The following PIR variants were observed in gnomAD, a reference collection of about 807,000 sequenced individuals.
PIR encodes the protein pirin, also known as pirin (iron-binding nuclear protein).
Under a neutral mutation model 24.2 loss-of-function variants are expected in PIR, and 22 were observed. The observed-to-expected ratio is 0.91, with a 90% CI of 0.65 to 1.30. The LOEUF is 1.30. PIR is among the 50% of genes most tolerant of loss of function. PIR has a pLI of 0.00. For synonymous variants in PIR, 80 were observed against 79.6 expected (o/e 1.00, Z -0.03); for missense variants, 220 against 220.3 (o/e 1.00, Z 0.01).
Position 15,420,534 on chromosome X carries a change from T to C in PIR, c.565+5372A>G, listed in dbSNP as rs1450599879. Among the ~76,000 whole-genome samples, 11 of 111,971 alleles carry C rather than the reference T, an allele frequency of 9.8e-5. No individual in the cohort carries two copies. The Admixed American group carries it at 1.0e-3, about 11-fold the overall frequency. The stretch of plus-strand genomic sequence containing the variant: ...TCCCTGGAAACCTGTCTCATCAAAA[T>C]AAATTTCCACATGGGAAGGCAGATA... On this transcript the variant is annotated intron_variant, in intron 6 of 9. Transcript: ENST00000380420.
chrX:15,455,316 G>A (rs1438112803), intron 5 of PIR, among the ~76,000 whole-genome samples: 4 of 112,771 alleles, frequency 3.5e-5, no homozygotes, highest in Non-Finnish European at 7.5e-5. Flanking sequence ...TAAAGTCCCA[G>A]TTGAAAAGAA....
intron 6 of PIR, among the ~76,000 whole-genome samples, chrX:15,415,944 T>G (rs1924901116): frequency 2.7e-5 from 3 of 110,458 alleles, no homozygotes; most frequent in Non-Finnish European, 5.7e-5. Context: ...AAGGCATTTT[T>G]ACTTATTAAA....
intron 5 of PIR, among the ~76,000 whole-genome samples, chrX:15,445,669 T>C (rs966100568): frequency 1.8e-5 from 2 of 111,172 alleles, no homozygotes; most frequent in Admixed American, 1.9e-4. Flanking sequence ...ATTCCAAACA[T>C]AACAGCCATA....
chrX:15,479,405 C>CA (rs989822347), intron 3 of PIR, among the ~76,000 whole-genome samples: 1 of 107,424 alleles, frequency 9.3e-6, no homozygotes, highest in African/African-American at 3.4e-5. Context: ...AGCGTAGTGA[C>CA]ATGATTAGAA....
chrX:15,433,544 G>GAAGAA (rs780968509), intron 5 of PIR, among the ~76,000 whole-genome samples: 1 of 58,729 alleles, frequency 1.7e-5, no homozygotes, highest in Non-Finnish European at 3.0e-5. Flanking sequence ...AAGAAAGAAA[G>GAAGAA]AGAGAGAAAG....
chrX:15,414,164 GTATTAGAATGCCCTAGAAGCT>G (rs1924837096), intron 6 of PIR, among the ~76,000 whole-genome samples: 2 of 112,052 alleles, frequency 1.8e-5, no homozygotes, highest in East Asian at 2.8e-4. Context: ...TACTACAAAT[GTATTAGAATGCCCTAGAAGCT>G]TATTAGAATG....
At chrX:15,399,070 G>C (rs1289994392) in intron 7 of PIR, among the ~76,000 whole-genome samples, 2 of 111,286 alleles carry the variant, frequency 1.8e-5, no homozygotes, top group Non-Finnish European at 1.9e-5. Context: ...GAGGGGGTGA[G>C]ATTTGGATTA....
chrX:15,427,041 A>G (rs932887492), intron 5 of PIR, among the ~76,000 whole-genome samples: 3 of 112,112 alleles, frequency 2.7e-5, no homozygotes, highest in Admixed American at 9.5e-5. Flanking sequence ...ACCAAGGAGA[A>G]TGAATGAACT....
intron 2 of PIR, among the ~76,000 whole-genome samples, chrX:15,487,547 C>T (rs920621957): frequency 8.9e-6 from 1 of 111,937 alleles, no homozygotes; most frequent in African/African-American, 3.3e-5. Context: ...GATTGAAATT[C>T]TTCATTAACA....
At chrX:15,408,611 G>C (rs753443859) in intron 6 of PIR, among the ~76,000 whole-genome samples, 2 of 111,981 alleles carry the variant, frequency 1.8e-5, no homozygotes, top group Admixed American at 9.5e-5. Context: ...TGGCTCAGAA[G>C]AGATGCTGTG....
intron 5 of PIR, among the ~76,000 whole-genome samples, chrX:15,442,621 A>G (rs780529422): frequency 6.3e-5 from 7 of 111,933 alleles, no homozygotes; most frequent in Non-Finnish European, 1.9e-5. Flanking sequence ...TAAAAGTGCT[A>G]CTCCAGCGAA....
chrX:15,397,851 G>A (rs985887454), intron 7 of PIR, among the ~76,000 whole-genome samples: 9 of 111,928 alleles, frequency 8.0e-5, no homozygotes, highest in African/African-American at 2.6e-4. Context: ...ATTAAAAATA[G>A]TTAGAAAAAT....
At chrX:15,394,986 TA>T (rs1482891624) in intron 8 of PIR, among the ~76,000 whole-genome samples, 1 of 111,829 alleles carries the variant, frequency 8.9e-6, no homozygotes, top group East Asian at 2.8e-4. Flanking sequence ...GGAAGAGTAG[TA>T]AAAGTGCAGG....
At chrX:15,488,344 G>A (rs1922980973) in intron 2 of PIR, among the ~76,000 whole-genome samples, 1 of 106,337 alleles carries the variant, frequency 9.4e-6, no homozygotes, top group Non-Finnish European at 1.9e-5. Flanking sequence ...ATCTCTTGAT[G>A]TTAGACAGAT....
At chrX:15,401,003 C>A (rs1009802739) in intron 7 of PIR, among the ~76,000 whole-genome samples, 2 of 109,888 alleles carry the variant, frequency 1.8e-5, no homozygotes, top group African/African-American at 3.3e-5. Context: ...TCCCAAAGTG[C>A]TGGGATTACA....
chrX:15,485,478 T>C (rs780438789), intron 2 of PIR, among the ~76,000 whole-genome samples: 2 of 111,659 alleles, frequency 1.8e-5, no homozygotes, highest in African/African-American at 6.5e-5. Flanking sequence ...TGATAGGAAT[T>C]AGGAGTAGGG....
intron 6 of PIR, among the ~76,000 whole-genome samples, chrX:15,409,318 C>T (rs1006950200): frequency 1.9e-5 from 2 of 107,584 alleles, no homozygotes; most frequent in African/African-American, 3.5e-5. Flanking sequence ...AGGATGGTCT[C>T]GATCTCCTGA....
rs73449396 is a variant in PIR at position 15,433,136 on chromosome X, T to C, written c.481-7146A>G. Among the ~76,000 whole-genome samples, 823 of 112,289 alleles carry C rather than the reference T, an allele frequency of 7.3e-3. 10 individuals are homozygous for C. Among genetic ancestry groups the C allele is most frequent in the African/African-American group, 0.025 (777 of 30,918 alleles). On this transcript the variant is annotated intron_variant, in intron 5 of 9. Transcript: ENST00000380420. ...TCTACATAGAGCTCAAAGGGGAGGC[T>C]TGTACTGTGAATATCAATCTGGGAG...
Position 15,411,233 on chromosome X carries a change from G to T in PIR, c.566-3683C>A, listed in dbSNP as rs193189971. Among the ~76,000 whole-genome samples, 8 of 112,007 alleles carry T rather than the reference G, an allele frequency of 7.1e-5. No homozygotes were observed. In the East Asian group the frequency reaches 2.2e-3, roughly 31 times the overall value. ...GAGCTGGGAGGGAGGTCACATTTTC[G>T]TTCTGGCCTCCTAGGACAGTTAAGT... On this transcript the variant is annotated intron_variant, in intron 6 of 9. Coordinates refer to ENST00000380420, the MANE Select transcript of PIR (RefSeq NM_001018109.3).
Sources: allele counts gnomAD v4.1 joint callset (sites outside exome capture counted in the v4.1 genomes callset), GRCh38; gene constraint gnomAD v4.1.1; transcripts MANE v1.5; gene names NCBI Gene and HGNC (gene_info 2026-07-23, HGNC 2026-07-21).